PNPT1: variants seen among roughly 807,000 people sequenced by gnomAD.
The protein encoded by PNPT1 is polyribonucleotide nucleotidyltransferase 1, mitochondrial.
A neutral mutation model predicts 119.5 loss-of-function variants in PNPT1; 53 were observed. The observed-to-expected ratio is 0.44, with a 90% CI of 0.36 to 0.56. The LOEUF is 0.56. Among genes scored for constraint, PNPT1 ranks in the 20% least tolerant of loss-of-function variants. PNPT1 has a pLI of 0.00. For synonymous variants in PNPT1, 357 were observed against 322.1 expected (o/e 1.11, Z -1.16); for missense variants, 948 against 938.5 (o/e 1.01, Z -0.13).
At chr2:55,678,901 G>C (rs895229206) in intron 8 of PNPT1, among the ~76,000 whole-genome samples, 1 of 152,146 alleles carries the variant, frequency 6.6e-6, no homozygotes, top group East Asian at 1.9e-4. Flanking sequence ...GTACAAAAAA[G>C]CAGTAAAAGT....
chr2:55,673,078 G>A lies in PNPT1; in HGVS notation c.681C>T (p.Val227=). The change falls in exon 9 of 28, where the codon GTC becomes GTT. Residue 227 remains valine, a splice_region_variant and synonymous_variant. Transcript: ENST00000447944. Reference sequence around the variant, plus strand: ...TGTTCTCTGCAGAGGCTTCCAACATGACTATTTAAAGGAAAAAGAAAAAAA... The same window carrying A: ...TGTTCTCTGCAGAGGCTTCCAACATAACTATTTAAAGGAAAAAGAAAAAAA... ...VVAGAPKSQI[V]MLEASAENIL... 6.4e-7 allele frequency: 1 copy of A among 1,557,940 alleles called. No individual in the cohort carries two copies. Among genetic ancestry groups the A allele is most frequent in the Non-Finnish European group, 8.6e-7 (1 of 1,160,528 alleles).
rs1697410255 is a variant in PNPT1 at position 55,686,518 on chromosome 2, T to A, written c.223-74A>T. ...AGCATCTAAGTAGCAACTGAATAAATCCTTACTCCAATTAAACTCAAGAAA... is the reference window on the plus strand; with the variant it reads ...AGCATCTAAGTAGCAACTGAATAAAACCTTACTCCAATTAAACTCAAGAAA... On this transcript the variant is annotated intron_variant, in intron 2 of 27. Coordinates refer to ENST00000447944, the MANE Select transcript of PNPT1 (RefSeq NM_033109.5). The A allele has an allele frequency of 3.7e-6, 4 of 1,077,870 alleles. No individual in the cohort carries two copies. In the East Asian group the frequency reaches 1.0e-4, roughly 27 times the overall value. 66.8% of individuals were successfully genotyped at this position (1,077,870 alleles called of 1,614,324 possible). A position where few individuals can be genotyped will look rare whatever the true frequency, so the allele number is the denominator to read the frequency against.
intron 13 of PNPT1, among the ~76,000 whole-genome samples, chr2:55,662,880 ATTT>A (rs35015796): frequency 3.1e-4 from 44 of 140,492 alleles, no homozygotes; most frequent in East Asian, 4.8e-4. Flanking sequence ...CAGACAAAAG[ATTT>A]TTTTTTTTTT....
rs771462142 is a variant in PNPT1 at position 55,636,410 on chromosome 2, A to C, written c.2197-18T>G. The C allele has an allele frequency of 3.6e-5, 58 of 1,611,926 alleles. No individual in the cohort carries two copies. Among genetic ancestry groups the C allele is most frequent in the African/African-American group, 8.0e-5 (6 of 74,910 alleles). On this transcript the variant is annotated intron_variant, in intron 27 of 27. Transcript: ENST00000447944. The stretch of plus-strand genomic sequence containing the variant: ...TATTTCACCTGTGTTAAAGAAACAG[A>C]TCTTCCTTTAAAGTTACAGCACATT...
At chr2:55,690,400 A>G (rs916797550) in intron 1 of PNPT1, among the ~76,000 whole-genome samples, 2 of 152,202 alleles carry the variant, frequency 1.3e-5, no homozygotes, top group Non-Finnish European at 1.5e-5. Flanking sequence ...GCAACATTCT[A>G]TCATAGTCTG....
chr2:55,645,567 G>T, intron 21 of PNPT1, 135 bp from the exon 22 acceptor site: 1 of 558,340 alleles, frequency 1.8e-6, no homozygotes, highest in South Asian at 2.3e-5. Flanking sequence ...CTATTACCTT[G>T]AAAATTCACT....
intron 5 of PNPT1, among the ~76,000 whole-genome samples, chr2:55,683,452 A>G (rs574472880): frequency 1.4e-4 from 22 of 152,144 alleles, no homozygotes; most frequent in African/African-American, 5.3e-4. Context: ...GTCTCTATTA[A>G]AAATACAAAA....
chr2:55,693,257 G>T (rs940456919), intron 1 of PNPT1, among the ~76,000 whole-genome samples: 1 of 152,208 alleles, frequency 6.6e-6, no homozygotes, highest in Non-Finnish European at 1.5e-5. Flanking sequence ...GCTGAGGTCT[G>T]TGTCCCAGCT....
At chr2:55,691,615 C>G (rs1269388379) in intron 1 of PNPT1, among the ~76,000 whole-genome samples, 1 of 152,042 alleles carries the variant, frequency 6.6e-6, no homozygotes. Context: ...GCAGCTGCAT[C>G]TTGTTTTCAG....
intron 25 of PNPT1, among the ~76,000 whole-genome samples, chr2:55,642,834 G>A (rs1695876025): frequency 6.6e-6 from 1 of 151,740 alleles, no homozygotes; most frequent in South Asian, 2.1e-4. Flanking sequence ...AACCAAAACA[G>A]GGCTGGGCAC....
intron 18 of PNPT1, among the ~76,000 whole-genome samples, chr2:55,653,185 T>A (rs367560095): frequency 2.4e-4 from 37 of 152,318 alleles, no homozygotes; most frequent in African/African-American, 8.4e-4. Context: ...CATTCTTTTT[T>A]TAAGTTCTTA....
At chr2:55,676,198 G>A (rs983640432) in intron 8 of PNPT1, among the ~76,000 whole-genome samples, 2 of 142,386 alleles carry the variant, frequency 1.4e-5, no homozygotes, top group Non-Finnish European at 3.0e-5. Context: ...GATGGAGGTT[G>A]CAGTGAGCCG....
intron 5 of PNPT1, 92 bp from the exon 6 acceptor site, chr2:55,681,010 G>A (rs776051628): frequency 1.0e-6 from 1 of 999,366 alleles, no homozygotes; most frequent in Non-Finnish European, 1.5e-6. Flanking sequence ...GCTAAAAGCA[G>A]GGGCTTTGTA....
intron 5 of PNPT1, 125 bp downstream of exon 5, chr2:55,683,659 TA>T: frequency 1.2e-6 from 1 of 800,624 alleles, no homozygotes; most frequent in Non-Finnish European, 1.9e-6. Flanking sequence ...AAACGTAATG[TA>T]AAATATAACA....
At position 55,685,061 on chromosome 2, in the gene PNPT1, T is replaced by TA. The variant is rs1467026435; in HGVS notation, c.298-14dup. On this transcript the variant is annotated splice_polypyrimidine_tract_variant and intron_variant, in intron 3 of 27. Coordinates refer to ENST00000447944, the MANE Select transcript of PNPT1 (RefSeq NM_033109.5). ...GTCTGTAGTCAACCTGAAGCAGCAA[T>TA]AAAAAAAAGTTCATATAATTCTTTT... 2.8e-5 allele frequency: 44 copies of TA among 1,554,740 alleles called. No homozygotes were observed. Among genetic ancestry groups the TA allele is most frequent in the South Asian group, 5.9e-5 (5 of 84,288 alleles).
chr2:55,643,921 A>G (rs1250452068), intron 23 of PNPT1, among the ~76,000 whole-genome samples: 1 of 152,206 alleles, frequency 6.6e-6, no homozygotes, highest in African/African-American at 2.4e-5. Context: ...CTGGCATTAT[A>G]CTAGGTAGGC....
chr2:55,642,841 G>A (rs1207702526), intron 25 of PNPT1, among the ~76,000 whole-genome samples: 1 of 152,152 alleles, frequency 6.6e-6, no homozygotes, highest in East Asian at 1.9e-4. Context: ...ACAGGGCTGG[G>A]CACGGTGGCT....
At chr2:55,680,642 A>G in intron 7 of PNPT1, 70 bp downstream of exon 7, 1 of 1,394,862 alleles carries the variant, frequency 7.2e-7, no homozygotes, top group Non-Finnish European at 1.0e-6. Context: ...CCATTGCTGT[A>G]ACATGGTCAC....
In PNPT1 at chr2:55,643,337, A is replaced by G. The variant is rs1572796110; in HGVS notation, c.1995T>C (p.Thr665=). The part of the protein sequence containing the change: ...SAMHEARDFI[T]EICKDDQEQQ... ...TACTTACATCATCCTTGCAGATTTC[A>G]GTAATGAAGTCTCTTGCCTCATGCA... The change falls in exon 24 of 28, where the codon ACT becomes ACC. Residue 665 remains threonine (T), a synonymous_variant. Transcript: ENST00000447944. The G allele has an allele frequency of 6.2e-7, 1 of 1,614,188 alleles. No individual in the cohort carries two copies. Among genetic ancestry groups the G allele is most frequent in the East Asian group, 2.2e-5 (1 of 44,888 alleles).
Sources: allele counts gnomAD v4.1 joint callset (sites outside exome capture counted in the v4.1 genomes callset), GRCh38; gene constraint gnomAD v4.1.1; transcripts MANE v1.5; gene names NCBI Gene and HGNC (gene_info 2026-07-23, HGNC 2026-07-21).